ROBO2: variants seen among roughly 807,000 people sequenced by gnomAD.
ROBO2 encodes roundabout guidance receptor 2.
ROBO2 carries 53 observed loss-of-function variants against 160.8 expected under a neutral mutation model. The ratio of observed to expected loss-of-function variants is 0.33; its 90% CI spans 0.26 to 0.41. The LOEUF (loss-of-function observed/expected upper bound fraction) is 0.41, where lower values mean the gene tolerates loss of function less well. Ranked by LOEUF, ROBO2 falls within the 10% of genes least tolerant of loss-of-function variation. The pLI, the probability that ROBO2 is intolerant of heterozygous loss-of-function variation, is 1.00. For missense variants in ROBO2, 1,577 were observed against 1,722.4 expected, an observed-to-expected ratio of 0.92 and a Z score of 1.49; for synonymous variants, 664 against 611.7, an observed-to-expected ratio of 1.09 and a Z score of -1.26.
chr3:76,819,437 ACT>A (rs2065936382), intron 2 of ROBO2, among the ~76,000 whole-genome samples: 1 of 151,650 alleles, frequency 6.6e-6, no homozygotes. Context: ...AGGCTGCTTG[ACT>A]CTGAGGGGTA....
At chr3:77,073,338 A>G (rs1170945982) in intron 1 of ROBO2, among the ~76,000 whole-genome samples, 2 of 152,198 alleles carry the variant, frequency 1.3e-5, no homozygotes, top group Non-Finnish European at 2.9e-5. Flanking sequence ...TTATTTGCTA[A>G]GAGAAGAAAG....
At chr3:77,424,868 C>A (rs1467005652) in intron 2 of ROBO2, among the ~76,000 whole-genome samples, 1 of 152,152 alleles carries the variant, frequency 6.6e-6, no homozygotes, top group Non-Finnish European at 1.5e-5. Context: ...TGAACCTTTG[C>A]ACAGTATGAC....
intron 2 of ROBO2, among the ~76,000 whole-genome samples, chr3:76,188,582 T>G (rs1016269743): frequency 3.9e-5 from 6 of 152,088 alleles, no homozygotes; most frequent in African/African-American, 1.4e-4. Flanking sequence ...TTTCTGTTGT[T>G]TTAAGCCACT....
chr3:76,116,240 A>G (rs750745253), intron 2 of ROBO2, among the ~76,000 whole-genome samples: 2 of 152,080 alleles, frequency 1.3e-5, no homozygotes, highest in South Asian at 2.1e-4. Flanking sequence ...CTTCTATTAC[A>G]TGTATACCAC....
intron 2 of ROBO2, among the ~76,000 whole-genome samples, chr3:76,859,461 A>G (rs987243574): frequency 3.9e-5 from 6 of 152,028 alleles, no homozygotes; most frequent in Non-Finnish European, 7.4e-5. Flanking sequence ...ACCCAATCCA[A>G]TTGGCCCTCT....
chr3:76,022,193 C>A (rs1017014507), intron 2 of ROBO2, among the ~76,000 whole-genome samples: 2 of 151,796 alleles, frequency 1.3e-5, no homozygotes, highest in Admixed American at 1.3e-4. Context: ...GGCTCCACTT[C>A]TAATTCTAGT....
intron 6 of ROBO2, among the ~76,000 whole-genome samples, chr3:77,534,539 T>C (rs1330083949): frequency 3.3e-5 from 5 of 152,180 alleles, no homozygotes; most frequent in East Asian, 1.9e-4. Flanking sequence ...ATGATACATA[T>C]ACTGTAAAAT....
intron 2 of ROBO2, among the ~76,000 whole-genome samples, chr3:77,005,548 A>G (rs1351231908): frequency 6.6e-6 from 1 of 152,160 alleles, no homozygotes; most frequent in Non-Finnish European, 1.5e-5. Context: ...AGTTTTATTT[A>G]AAGTGGTGGT....
At chr3:75,930,257 A>G (rs1947477709) in intron 1 of ROBO2, among the ~76,000 whole-genome samples, 1 of 152,018 alleles carries the variant, frequency 6.6e-6, no homozygotes, top group African/African-American at 2.4e-5. Flanking sequence ...TTGCCAGCTC[A>G]TTGGCTTGGA....
At chr3:77,383,840 T>C (rs1254924800) in intron 2 of ROBO2, among the ~76,000 whole-genome samples, 1 of 152,182 alleles carries the variant, frequency 6.6e-6, no homozygotes, top group Non-Finnish European at 1.5e-5. Context: ...TAATATTCCA[T>C]AGAGGTTTAT....
Position 77,240,800 on chromosome 3 carries a change from C to T in ROBO2, c.388+142460C>T, listed in dbSNP as rs536468076. Among the ~76,000 whole-genome samples, 3 of 152,266 alleles carry T rather than the reference C, an allele frequency of 2.0e-5. No individual in the cohort carries two copies. The East Asian group carries it at 5.8e-4, about 29-fold the overall frequency. ...GCTGAAAAGAAGCTGCTAATCTTTA[C>T]CCAGATAGAACAGAGAAAATCAGAG... On this transcript the variant is annotated intron_variant, in intron 2 of 25. Transcript: ENST00000461745.
chr3:77,320,713 A>T (rs2064587087), intron 2 of ROBO2, among the ~76,000 whole-genome samples: 2 of 152,200 alleles, frequency 1.3e-5, no homozygotes, highest in Non-Finnish European at 2.9e-5. Context: ...AAAGAAAAAA[A>T]ACTTTTGTTG....
intron 2 of ROBO2, among the ~76,000 whole-genome samples, chr3:76,002,587 G>A (rs1340244262): frequency 6.6e-6 from 1 of 152,144 alleles, no homozygotes; most frequent in Non-Finnish European, 1.5e-5. Flanking sequence ...CTGCCGCCAT[G>A]TGGAATGAGC....
At chr3:77,135,531 G>T (rs536216878) in intron 2 of ROBO2, among the ~76,000 whole-genome samples, 2 of 152,156 alleles carry the variant, frequency 1.3e-5, no homozygotes, top group South Asian at 4.1e-4. Flanking sequence ...CTCCTGAAGA[G>T]CTGGGATTAC....
intron 2 of ROBO2, among the ~76,000 whole-genome samples, chr3:76,606,661 ATC>A (rs2087683487): frequency 6.6e-6 from 1 of 151,906 alleles, no homozygotes; most frequent in Non-Finnish European, 1.5e-5. Flanking sequence ...TTTTGTCTCC[ATC>A]TCTGTGTCTT....
At chr3:76,173,859 A>G (rs1182077024) in intron 2 of ROBO2, among the ~76,000 whole-genome samples, 3 of 152,172 alleles carry the variant, frequency 2.0e-5, no homozygotes, top group Non-Finnish European at 4.4e-5. Context: ...AATGATTTAT[A>G]TTCCTTTGCG....
At chr3:77,027,913 G>GATT (rs57965168) in intron 2 of ROBO2, among the ~76,000 whole-genome samples, 3,247 of 152,154 alleles carry the variant, frequency 0.021, 104 homozygotes, top group African/African-American at 0.073. Context: ...TTAGAAAGAA[G>GATT]ATTACTCAAT....
At chr3:76,818,333 T>A (rs556547391) in intron 2 of ROBO2, among the ~76,000 whole-genome samples, 1 of 152,076 alleles carries the variant, frequency 6.6e-6, no homozygotes, top group Non-Finnish European at 1.5e-5. Flanking sequence ...CACTTTTTGA[T>A]GGGATTGTTT....
intron 2 of ROBO2, among the ~76,000 whole-genome samples, chr3:76,055,715 C>CT (rs1008737082): frequency 1.1e-4 from 16 of 152,016 alleles, no homozygotes; most frequent in Non-Finnish European, 1.6e-4. Context: ...TGTATGTATA[C>CT]TTTTTTTTTA....
Sources: gnomAD v4.1 joint callset for allele counts (sites outside exome capture counted in the v4.1 genomes callset) on GRCh38, gnomAD v4.1.1 for gene constraint, MANE v1.5 for transcripts, NCBI Gene and HGNC (gene_info 2026-07-23, HGNC 2026-07-21) for gene names.